The following PCDHA1 variants were observed in gnomAD, a reference collection of about 807,000 sequenced individuals.
PCDHA1 encodes protocadherin alpha-1.
Under a neutral mutation model 61.3 loss-of-function variants are expected in PCDHA1, and 42 were observed. That is an observed-to-expected ratio of 0.69 (90% CI 0.54 to 0.89). The LOEUF (loss-of-function observed/expected upper bound fraction) is 0.89, where lower values mean the gene tolerates loss of function less well. Ranked by LOEUF, PCDHA1 falls within the 40% of genes least tolerant of loss-of-function variation. The pLI is 0.00. For missense variants in PCDHA1, 1,256 were observed against 1,235.3 expected (o/e 1.02, Z -0.25); for synonymous variants, 610 against 553.8 (o/e 1.10, Z -1.43).
At chr5:140,807,614 G>A (rs782288256) in intron 1 of PCDHA1, 58 of 1,614,174 alleles carry the variant, frequency 3.6e-5, no homozygotes, top group Non-Finnish European at 4.8e-5. Context: ...CCTGTCCATC[G>A]CGGAATCCAG....
chr5:140,801,210 T>C (rs781998335), intron 1 of PCDHA1: 4 of 1,604,670 alleles, frequency 2.5e-6, no homozygotes, highest in African/African-American at 1.3e-5. Flanking sequence ...GTTGTTCTCC[T>C]GGCGAGAAGA....
intron 1 of PCDHA1, chr5:140,882,971 G>A (rs1562782227): frequency 3.1e-6 from 5 of 1,614,206 alleles, no homozygotes; most frequent in Admixed American, 1.7e-5. Flanking sequence ...GATTCTGGAC[G>A]TGAATGACAA....
intron 1 of PCDHA1, chr5:140,831,207 A>G (rs1426566077): frequency 6.6e-6 from 1 of 152,222 alleles, no homozygotes; most frequent in Non-Finnish European, 1.5e-5. Context: ...GATCAAGTAA[A>G]TTTATATGAA....
intron 1 of PCDHA1, among the ~76,000 whole-genome samples, chr5:140,959,972 AAAG>A (rs1460302752): frequency 2.0e-5 from 3 of 152,328 alleles, no homozygotes; most frequent in South Asian, 4.1e-4. Flanking sequence ...GATGTTACTG[AAAG>A]AAGAAGTTGG....
chr5:140,994,515 C>A (rs1450335712), intron 3 of PCDHA1, among the ~76,000 whole-genome samples: 1 of 150,238 alleles, frequency 6.7e-6, no homozygotes, highest in African/African-American at 2.5e-5. Context: ...ACAGCCTGGG[C>A]AACATGGCAA....
chr5:140,825,455 AT>A (rs1326484849), intron 1 of PCDHA1: 1 of 148,934 alleles, frequency 6.7e-6, no homozygotes, highest in East Asian at 1.9e-4. Flanking sequence ...TATATCAGAT[AT>A]TTTGATACAG....
chr5:140,892,408 G>C (rs1323060042), intron 1 of PCDHA1, among the ~76,000 whole-genome samples: 1 of 152,054 alleles, frequency 6.6e-6, no homozygotes, highest in Non-Finnish European at 1.5e-5. Context: ...TCAAGCTTCA[G>C]GTATTCTAGA....
At chr5:141,000,609 G>A (rs2097951405) in intron 3 of PCDHA1, among the ~76,000 whole-genome samples, 1 of 150,600 alleles carries the variant, frequency 6.6e-6, no homozygotes. Context: ...TGTATTTTTA[G>A]TAGAGACAGG....
intron 1 of PCDHA1, chr5:140,969,580 AT>A: frequency 2.2e-6 from 2 of 914,646 alleles, no homozygotes; most frequent in Non-Finnish European, 3.2e-6. Flanking sequence ...AGAAGTGAGG[AT>A]TAGTCTTAAT....
intron 1 of PCDHA1, among the ~76,000 whole-genome samples, chr5:140,914,843 A>G (rs1269507537): frequency 6.6e-6 from 1 of 152,142 alleles, no homozygotes; most frequent in Non-Finnish European, 1.5e-5. Context: ...CAAACACACA[A>G]AAGGAAGACT....
In PCDHA1 at chr5:140,852,833, T is replaced by C; in HGVS notation, c.2394+64149T>C. 14 of 971,734 alleles carry C rather than the reference T, an allele frequency of 1.4e-5. 1 individual carries two copies. Among genetic ancestry groups the C allele is most frequent in the Non-Finnish European group, 1.5e-5 (12 of 804,770 alleles). 60.2% of individuals were successfully genotyped at this position (971,734 alleles called of 1,614,324 possible). On this transcript the variant is annotated intron_variant, in intron 1 of 3. Transcript: ENST00000504120. ...CCCGCCCTAAGTCCTCCAGTCTCCT[T>C]AGAGCTAGTACTTACTAAGCATTTA...
chr5:141,009,019 C>G (rs1160022658), intron 3 of PCDHA1, among the ~76,000 whole-genome samples: 2 of 152,232 alleles, frequency 1.3e-5, no homozygotes, highest in African/African-American at 4.8e-5. Flanking sequence ...CCTTTAGGCT[C>G]TGTATTTCCC....
chr5:140,900,882 A>G (rs1453854297), intron 1 of PCDHA1, among the ~76,000 whole-genome samples: 1 of 152,044 alleles, frequency 6.6e-6, no homozygotes, highest in African/African-American at 2.4e-5. Flanking sequence ...ATTGCCTGTC[A>G]TTTGGATAAA....
In PCDHA1 at chr5:140,843,548, A is replaced by G. The variant is rs2150362453; in HGVS notation, c.2394+54864A>G. ...GGGCAAGCCCACTCTGGTGTGCTCC[A>G]GTGCGGTGGGGAGCTGGTCATACTC... On this transcript the variant is annotated intron_variant, in intron 1 of 3. Coordinates refer to ENST00000504120, the MANE Select transcript of PCDHA1 (RefSeq NM_018900.4). 4 of 1,595,966 alleles carry G rather than the reference A, an allele frequency of 2.5e-6. 1 individual carries two copies. The South Asian group carries it at 4.4e-5, about 18-fold the overall frequency.
chr5:140,857,611 G>A (rs987659739), intron 1 of PCDHA1: 1 of 1,596,436 alleles, frequency 6.3e-7, no homozygotes, highest in Admixed American at 1.7e-5. Flanking sequence ...CGCTGCAGCC[G>A]CTGGACCACG....
intron 3 of PCDHA1, among the ~76,000 whole-genome samples, chr5:141,006,730 C>A (rs1222445312): frequency 1.3e-5 from 2 of 151,754 alleles, no homozygotes; most frequent in African/African-American, 4.8e-5. Context: ...AATGACAGGT[C>A]TTGATGATGT....
At chr5:140,820,841 T>G (rs11167609) in intron 1 of PCDHA1, among the ~76,000 whole-genome samples, 88,272 of 151,788 alleles carry the variant, frequency 0.58, 26,392 homozygotes, top group African/African-American at 0.72. Flanking sequence ...TAATAGCAAC[T>G]TGAAGAAATG....
At chr5:140,821,199 A>T (rs2150108932) in intron 1 of PCDHA1, among the ~76,000 whole-genome samples, 2 of 152,314 alleles carry the variant, frequency 1.3e-5, no homozygotes, top group Middle Eastern at 6.8e-3. Flanking sequence ...AAAACTCAAA[A>T]GTTTTAATTA....
chr5:140,850,733 G>T (rs2150496499), intron 1 of PCDHA1: 1 of 1,598,010 alleles, frequency 6.3e-7, no homozygotes, highest in East Asian at 2.2e-5. Context: ...GCGCGGTGGG[G>T]AGTTGGTCGT....
Sources: gnomAD v4.1 joint callset for allele counts (sites outside exome capture counted in the v4.1 genomes callset) on GRCh38, gnomAD v4.1.1 for gene constraint, MANE v1.5 for transcripts, NCBI Gene and HGNC (gene_info 2026-07-23, HGNC 2026-07-21) for gene names.